The following KCTD8 variants were observed in gnomAD, a reference collection of about 807,000 sequenced individuals.
The protein encoded by KCTD8 is potassium channel tetramerization domain containing 8, also known as BTB/POZ domain-containing protein KCTD8.
A neutral mutation model predicts 31.5 loss-of-function variants in KCTD8; 27 were observed. The ratio of observed to expected loss-of-function variants is 0.86; its 90% CI spans 0.63 to 1.18. The LOEUF (loss-of-function observed/expected upper bound fraction) is 1.18. KCTD8 is among the 50% of genes most tolerant of loss of function. The probability of loss-of-function intolerance (pLI) is 0.00; values close to 1 mark genes in which losing one functional copy is unlikely to be tolerated. For synonymous variants in KCTD8, 290 were observed against 280.0 expected, an observed-to-expected ratio of 1.04 and a Z score of -0.36; for missense variants, 658 against 647.7, an observed-to-expected ratio of 1.02 and a Z score of -0.17.
At chr4:44,199,058 C>A (rs1389947722) in intron 1 of KCTD8, among the ~76,000 whole-genome samples, 1 of 151,946 alleles carries the variant, frequency 6.6e-6, no homozygotes, top group Admixed American at 6.6e-5. Context: ...CAAAGAAGGG[C>A]ATTATATAAT....
rs1398094754 is a variant in KCTD8, at chr4:44,406,245, A to C, written c.961+41318T>G. Among the ~76,000 whole-genome samples the C allele has an allele frequency of 1.3e-5, 2 of 152,258 alleles. 1 individual carries two copies. The highest frequency in any genetic ancestry group is 4.8e-5 in the African/African-American group (2 of 41,554). On this transcript the variant is annotated intron_variant, in intron 1 of 1. Transcript: ENST00000360029. ...ATGAAGAATCTCTTTCAGGGGTTAA[A>C]TACAACTCAGACCATCATCCCCCAA...
At chr4:44,247,974 G>A (rs951598329) in intron 1 of KCTD8, among the ~76,000 whole-genome samples, 1 of 151,756 alleles carries the variant, frequency 6.6e-6, no homozygotes, top group Non-Finnish European at 1.5e-5. Flanking sequence ...CTCATTTCTG[G>A]CTATATATCC....
chr4:44,222,779 G>T (rs1714844284), intron 1 of KCTD8, among the ~76,000 whole-genome samples: 2 of 152,126 alleles, frequency 1.3e-5, no homozygotes, highest in Admixed American at 1.3e-4. Context: ...AAAGAGATTA[G>T]GAAAGAGCTG....
rs916429813 is a variant in KCTD8, at chr4:44,218,265, C to T, written c.962-43015G>A. ...TCTCCTGCCTCAGCTTCCTGAGTAG[C>T]TGGGATTATAAGCATGCACCACCAC... is the stretch of plus-strand genomic sequence containing the variant. On this transcript the variant is annotated intron_variant, in intron 1 of 1. Transcript: ENST00000360029. Among the ~76,000 whole-genome samples, 15 of 150,336 alleles carry T rather than the reference C, an allele frequency of 1.0e-4. No individual in the cohort carries two copies. In the Admixed American group the frequency reaches 1.0e-3, roughly 10 times the overall value.
At chr4:44,356,512 T>C (rs375161010) in intron 1 of KCTD8, among the ~76,000 whole-genome samples, 7 of 152,132 alleles carry the variant, frequency 4.6e-5, no homozygotes, top group African/African-American at 1.4e-4. Flanking sequence ...CTTGCTCTGT[T>C]GCCCAGGCTG....
At chr4:44,248,700 C>G (rs1440512342) in intron 1 of KCTD8, among the ~76,000 whole-genome samples, 1 of 151,690 alleles carries the variant, frequency 6.6e-6, no homozygotes, top group East Asian at 1.9e-4. Flanking sequence ...TTATCTGTGC[C>G]ATAATCTAAT....
At chr4:44,221,330 GGTGTGTGTGTGTGTGCATGTGT>G (rs1275194890) in intron 1 of KCTD8, among the ~76,000 whole-genome samples, 2 of 147,008 alleles carry the variant, frequency 1.4e-5, no homozygotes, top group Middle Eastern at 3.5e-3. Context: ...GGGTCCATCA[GGTGTGTGTGTGTGTGCATGTGT>G]GTGTGTGTGT....
intron 1 of KCTD8, among the ~76,000 whole-genome samples, chr4:44,329,228 T>C (rs1718531720): frequency 6.6e-6 from 1 of 151,680 alleles, no homozygotes; most frequent in Non-Finnish European, 1.5e-5. Flanking sequence ...CTGTTATATT[T>C]AAAACATGCT....
At chr4:44,228,169 AC>A (rs1283715065) in intron 1 of KCTD8, among the ~76,000 whole-genome samples, 1 of 152,132 alleles carries the variant, frequency 6.6e-6, no homozygotes, top group African/African-American at 2.4e-5. Context: ...ACTTAGAATA[AC>A]AGAAAATTAT....
intron 1 of KCTD8, among the ~76,000 whole-genome samples, chr4:44,247,657 C>G (rs1715705883): frequency 6.6e-6 from 1 of 151,796 alleles, no homozygotes; most frequent in Non-Finnish European, 1.5e-5. Context: ...CCATTGTACC[C>G]TCTGTTTCTG....
At chr4:44,436,265 A>G (rs1721641864) in intron 1 of KCTD8, among the ~76,000 whole-genome samples, 1 of 152,096 alleles carries the variant, frequency 6.6e-6, no homozygotes, top group African/African-American at 2.4e-5. Context: ...ACAGAAGAAC[A>G]ATTTAAATGA....
At chr4:44,288,851 G>A (rs917065447) in intron 1 of KCTD8, among the ~76,000 whole-genome samples, 3 of 151,806 alleles carry the variant, frequency 2.0e-5, no homozygotes, top group Non-Finnish European at 2.9e-5. Flanking sequence ...TATGGAATAT[G>A]GTCAGAAAAG....
intron 1 of KCTD8, among the ~76,000 whole-genome samples, chr4:44,188,086 A>T (rs1713644590): frequency 6.6e-6 from 1 of 151,788 alleles, no homozygotes; most frequent in African/African-American, 2.4e-5. Flanking sequence ...AGTTGAGTGG[A>T]TTTTTATTTA....
intron 1 of KCTD8, among the ~76,000 whole-genome samples, chr4:44,415,818 A>G (rs1262386701): frequency 6.6e-6 from 1 of 152,234 alleles, no homozygotes; most frequent in Non-Finnish European, 1.5e-5. Flanking sequence ...AGCCTGTTAC[A>G]GGGGTGAAGC....
intron 1 of KCTD8, among the ~76,000 whole-genome samples, chr4:44,408,139 C>T (rs966735778): frequency 2.6e-5 from 4 of 152,256 alleles, no homozygotes; most frequent in Non-Finnish European, 5.9e-5. Context: ...AAGTTAAATC[C>T]TTGAACCTTG....
chr4:44,318,578 T>C (rs530003401), intron 1 of KCTD8, among the ~76,000 whole-genome samples: 1 of 152,204 alleles, frequency 6.6e-6, no homozygotes, highest in South Asian at 2.1e-4. Context: ...TGGCTCTAGA[T>C]ATAGAAACAA....
At chr4:44,276,725 T>A (rs1326016576) in intron 1 of KCTD8, among the ~76,000 whole-genome samples, 1 of 152,012 alleles carries the variant, frequency 6.6e-6, no homozygotes, top group East Asian at 1.9e-4. Flanking sequence ...GCAAATTTTA[T>A]CTCATACATT....
intron 1 of KCTD8, among the ~76,000 whole-genome samples, chr4:44,214,005 C>A (rs1489479202): frequency 1.3e-5 from 2 of 152,170 alleles, no homozygotes; most frequent in Non-Finnish European, 2.9e-5. Flanking sequence ...AGCTGAGGGT[C>A]TTTTATATGC....
chr4:44,187,197 TTC>T (rs1713614599), intron 1 of KCTD8, among the ~76,000 whole-genome samples: 1 of 152,228 alleles, frequency 6.6e-6, no homozygotes, highest in African/African-American at 2.4e-5. Flanking sequence ...AAAAATAATT[TTC>T]TTTTTTCTGC....
Sources: gnomAD v4.1 joint callset for allele counts (sites outside exome capture counted in the v4.1 genomes callset) on GRCh38, gnomAD v4.1.1 for gene constraint, MANE v1.5 for transcripts, NCBI Gene and HGNC (gene_info 2026-07-23, HGNC 2026-07-21) for gene names.